Variants in PIGL observed in about 807,000 individuals in gnomAD.
PIGL encodes phosphatidylinositol glycan anchor biosynthesis class L.
A neutral mutation model predicts 31.1 loss-of-function variants in PIGL; 22 were observed. The ratio of observed to expected loss-of-function variants is 0.71; its 90% CI spans 0.51 to 1.01. The LOEUF (loss-of-function observed/expected upper bound fraction) is 1.01. PIGL is among the 50% of genes least tolerant of loss of function. The pLI, the probability that PIGL is intolerant of heterozygous loss-of-function variation, is 0.00. For synonymous variants in PIGL, 131 were observed against 117.4 expected (o/e 1.12, Z -0.75); for missense variants, 302 against 315.9 (o/e 0.96, Z 0.33).
At chr17:16,222,568 C>T (rs1298677918) in intron 1 of PIGL, among the ~76,000 whole-genome samples, 9 of 152,060 alleles carry the variant, frequency 5.9e-5, no homozygotes, top group Admixed American at 5.9e-4. Context: ...GTAAAGAAGC[C>T]AGGACCCTGT....
Position 16,225,065 on chromosome 17 carries a change from T to A in PIGL, c.235+7604T>A, listed in dbSNP as rs574361351. On this transcript the variant is annotated intron_variant, in intron 1 of 6. Transcript: ENST00000225609. ...CTCTGATACTATGGTATGCTTCCAT[T>A]TATTATATGTTGGCCTTCTTTACTA... is the stretch of plus-strand genomic sequence containing the variant. Among the ~76,000 whole-genome samples, 4 of 152,328 alleles carry A rather than the reference T, an allele frequency of 2.6e-5. No homozygotes were observed. In the East Asian group the frequency reaches 7.7e-4, roughly 29 times the overall value.
chr17:16,299,494 C>G (rs1355551808), intron 2 of PIGL, among the ~76,000 whole-genome samples: 1 of 152,120 alleles, frequency 6.6e-6, no homozygotes, highest in East Asian at 1.9e-4. Context: ...AAAAGATGTT[C>G]ATGAGGTTAA....
chr17:16,295,099 G>A (rs2092975752), intron 2 of PIGL, among the ~76,000 whole-genome samples: 1 of 152,118 alleles, frequency 6.6e-6, no homozygotes, highest in Non-Finnish European at 1.5e-5. Context: ...CGTCCATCGG[G>A]GGACTTATGA....
At chr17:16,254,242 T>C (rs1261398068) in intron 2 of PIGL, among the ~76,000 whole-genome samples, 1 of 152,192 alleles carries the variant, frequency 6.6e-6, no homozygotes, top group African/African-American at 2.4e-5. Context: ...CACTGTATTC[T>C]AGCATATACA....
chr17:16,283,477 AAGATAT>A (rs2092924949), intron 2 of PIGL, among the ~76,000 whole-genome samples: 1 of 152,098 alleles, frequency 6.6e-6, no homozygotes, highest in Admixed American at 6.5e-5. Context: ...CAAAAAAAAA[AAGATAT>A]TTCTGAGGAG....
At chr17:16,323,080 C>G (rs1235659224) in intron 6 of PIGL, among the ~76,000 whole-genome samples, 1 of 152,152 alleles carries the variant, frequency 6.6e-6, no homozygotes, top group Non-Finnish European at 1.5e-5. Flanking sequence ...TATATATTGA[C>G]TGATTGATGA....
intron 4 of PIGL, among the ~76,000 whole-genome samples, chr17:16,314,734 C>G (rs565998944): frequency 1.2e-4 from 18 of 152,280 alleles, no homozygotes; most frequent in Non-Finnish European, 2.2e-4. Flanking sequence ...CATTAGGTCC[C>G]TTCAAATTCA....
intron 2 of PIGL, among the ~76,000 whole-genome samples, chr17:16,272,291 A>T (rs2092876312): frequency 6.6e-6 from 1 of 152,218 alleles, no homozygotes; most frequent in African/African-American, 2.4e-5. Context: ...CTACACCTGG[A>T]CATCTGTTAT....
intron 2 of PIGL, among the ~76,000 whole-genome samples, chr17:16,295,277 G>A (rs1023704023): frequency 7.3e-5 from 11 of 151,694 alleles, no homozygotes; most frequent in Admixed American, 2.0e-4. Context: ...GGTGGCGCAC[G>A]CCTGTAATCC....
intron 2 of PIGL, among the ~76,000 whole-genome samples, chr17:16,236,832 G>C (rs1252660940): frequency 1.3e-5 from 2 of 152,092 alleles, no homozygotes; most frequent in Non-Finnish European, 2.9e-5. Flanking sequence ...GCCTCCCAAA[G>C]TGTTGGGATT....
At chr17:16,303,148 C>T (rs1021286849) in intron 3 of PIGL, among the ~76,000 whole-genome samples, 3 of 152,152 alleles carry the variant, frequency 2.0e-5, no homozygotes, top group Admixed American at 1.3e-4. Flanking sequence ...GGTCCAGGCA[C>T]CCCTCCAGAC....
chr17:16,227,694 C>A (rs990575455), intron 1 of PIGL, among the ~76,000 whole-genome samples: 1 of 148,636 alleles, frequency 6.7e-6, no homozygotes, highest in Non-Finnish European at 1.5e-5. Context: ...GATTTTCCTG[C>A]CTCAGCCTCC....
chr17:16,271,980 C>T (rs1262307215), intron 2 of PIGL, among the ~76,000 whole-genome samples: 3 of 152,096 alleles, frequency 2.0e-5, no homozygotes, highest in Non-Finnish European at 4.4e-5. Context: ...CCACCTTGGC[C>T]CCCGCAAAGC....
intron 1 of PIGL, among the ~76,000 whole-genome samples, chr17:16,228,424 G>A (rs887402997): frequency 3.3e-5 from 5 of 151,452 alleles, no homozygotes; most frequent in African/African-American, 7.3e-5. Context: ...TTGCTCTGTC[G>A]CCCAGGCTGG....
intron 2 of PIGL, among the ~76,000 whole-genome samples, chr17:16,298,847 G>A (rs750777952): frequency 8.6e-5 from 13 of 151,492 alleles, no homozygotes; most frequent in East Asian, 1.9e-4. Flanking sequence ...GGCCAACTTG[G>A]TGACACCCTG....
At chr17:16,288,518 CTTTTTTTCTTTTCT>C (rs1164434835) in intron 2 of PIGL, among the ~76,000 whole-genome samples, 8 of 148,186 alleles carry the variant, frequency 5.4e-5, no homozygotes, top group Admixed American at 1.4e-4. Context: ...TACTATTATT[CTTTTTTTCTTTTCT>C]TTTTTTTCTT....
chr17:16,311,874 GCAA>G (rs1029620422), intron 3 of PIGL, among the ~76,000 whole-genome samples: 14 of 152,170 alleles, frequency 9.2e-5, no homozygotes, highest in Non-Finnish European at 1.5e-4. Flanking sequence ...CACAGACACA[GCAA>G]CAATCTGATT....
At chr17:16,247,620 G>T (rs931513069) in intron 2 of PIGL, among the ~76,000 whole-genome samples, 2 of 152,200 alleles carry the variant, frequency 1.3e-5, no homozygotes, top group African/African-American at 2.4e-5. Flanking sequence ...CCTGTGGTGG[G>T]AATGGTAGTC....
At chr17:16,236,670 C>T (rs999671008) in intron 2 of PIGL, among the ~76,000 whole-genome samples, 6 of 151,790 alleles carry the variant, frequency 4.0e-5, no homozygotes, top group African/African-American at 7.3e-5. Flanking sequence ...CTGGTTCCAG[C>T]GAGTCTCCTG....
Sources: gnomAD v4.1 joint callset for allele counts (sites outside exome capture counted in the v4.1 genomes callset) on GRCh38, gnomAD v4.1.1 for gene constraint, MANE v1.5 for transcripts, NCBI Gene and HGNC (gene_info 2026-07-23, HGNC 2026-07-21) for gene names.